The following ATP9B variants were observed in gnomAD, a reference collection of about 807,000 sequenced individuals.
The protein encoded by ATP9B is probable phospholipid-transporting ATPase IIB.
In ATP9B, 110 loss-of-function variants were observed where a neutral mutation model predicts 146.1. The ratio of observed to expected loss-of-function variants is 0.75; its 90% CI spans 0.65 to 0.88. The LOEUF (loss-of-function observed/expected upper bound fraction) is 0.88, where lower values mean the gene tolerates loss of function less well. Among genes scored for constraint, ATP9B ranks in the 40% least tolerant of loss-of-function variants. The pLI, the probability that ATP9B is intolerant of heterozygous loss-of-function variation, is 0.00. For missense variants in ATP9B, 1,499 were observed against 1,496.4 expected (o/e 1.00, Z -0.03); for synonymous variants, 604 against 569.7 (o/e 1.06, Z -0.86).
At chr18:79,346,971 G>A (rs766051730) in intron 23 of ATP9B, among the ~76,000 whole-genome samples, 3 of 152,178 alleles carry the variant, frequency 2.0e-5, no homozygotes, top group Non-Finnish European at 2.9e-5. Context: ...CCTAGCCCTC[G>A]GCGACTTGCT....
chr18:79,107,296 C>G (rs8094259), intron 2 of ATP9B, among the ~76,000 whole-genome samples: 1 of 152,194 alleles, frequency 6.6e-6, no homozygotes, highest in Admixed American at 6.5e-5. Flanking sequence ...AGGGTGCCCA[C>G]TGAGCTCTTG....
At chr18:79,276,426 A>G (rs2096309810) in intron 12 of ATP9B, among the ~76,000 whole-genome samples, 1 of 152,232 alleles carries the variant, frequency 6.6e-6, no homozygotes, top group Admixed American at 6.5e-5. Context: ...ATACCATTTT[A>G]TTTGTCATAT....
At chr18:79,354,485 G>C (rs1455993254) in intron 25 of ATP9B, 2 of 146,592 alleles carry the variant, frequency 1.4e-5, no homozygotes, top group African/African-American at 2.5e-5. Flanking sequence ...GAGAGGATCA[G>C]CTGAGCCCAG....
At chr18:79,375,483 T>A (rs1294363003) in intron 29 of ATP9B, 57 bp downstream of exon 29, 1 of 1,572,960 alleles carries the variant, frequency 6.4e-7, no homozygotes, top group African/African-American at 1.4e-5. Context: ...ACAATATTGA[T>A]AAAGATACTT....
chr18:79,139,442 G>A (rs548254928), intron 5 of ATP9B, among the ~76,000 whole-genome samples: 1 of 152,302 alleles, frequency 6.6e-6, no homozygotes, highest in South Asian at 2.1e-4. Flanking sequence ...TGGCACGTCA[G>A]CTACTACATC....
intron 11 of ATP9B, among the ~76,000 whole-genome samples, chr18:79,245,624 T>C (rs902475954): frequency 2.9e-5 from 2 of 67,926 alleles, no homozygotes; most frequent in Admixed American, 1.7e-4. Context: ...CCCTACTGAC[T>C]GGGGAGGGTA....
intron 9 of ATP9B, among the ~76,000 whole-genome samples, chr18:79,206,230 G>A (rs1036244212): frequency 2.0e-5 from 3 of 152,112 alleles, no homozygotes; most frequent in African/African-American, 4.8e-5. Context: ...GTGAGCCACC[G>A]CGCCCGGCCA....
intron 8 of ATP9B, among the ~76,000 whole-genome samples, chr18:79,186,772 T>C (rs2095311887): frequency 6.6e-6 from 1 of 152,252 alleles, no homozygotes; most frequent in South Asian, 2.1e-4. Flanking sequence ...TAAACTAGTA[T>C]GTTCAACCTT....
chr18:79,286,008 T>G (rs1255318129), intron 13 of ATP9B, among the ~76,000 whole-genome samples: 2 of 151,392 alleles, frequency 1.3e-5, no homozygotes, highest in African/African-American at 4.9e-5. Flanking sequence ...CCATGCTGTT[T>G]TGGTTACTGT....
intron 13 of ATP9B, among the ~76,000 whole-genome samples, chr18:79,281,360 G>T (rs1221477950): frequency 6.6e-6 from 1 of 151,942 alleles, no homozygotes; most frequent in African/African-American, 2.4e-5. Flanking sequence ...AGCCAGGCAT[G>T]GTGGTGCATG....
At position 79,113,370 on chromosome 18, in the gene ATP9B, A is replaced by G. The variant is rs141128747; in HGVS notation, c.558+16A>G. On this transcript the variant is annotated intron_variant, in intron 4 of 29. Coordinates refer to ENST00000426216, the MANE Select transcript of ATP9B (RefSeq NM_198531.5). ...GGCTCCTCTGGTAAGAAAAGACTTT[A>G]AAAATTAAGTTAAATTATGAAATAT... 5,842 of 1,368,870 alleles carry G rather than the reference A, an allele frequency of 4.3e-3. 50 individuals carry two copies. The highest frequency in any genetic ancestry group is 0.021 in the South Asian group (1,658 of 78,416). 84.8% of individuals were successfully genotyped at this position (1,368,870 alleles called of 1,614,324 possible).
intron 7 of ATP9B, among the ~76,000 whole-genome samples, chr18:79,161,135 T>C (rs2094874432): frequency 6.6e-6 from 1 of 152,170 alleles, no homozygotes; most frequent in Admixed American, 6.5e-5. Flanking sequence ...TTTTAAGCCA[T>C]AGTAAGACAG....
At chr18:79,245,608 GTA>G (rs2095940275) in intron 11 of ATP9B, among the ~76,000 whole-genome samples, 22 of 64,136 alleles carry the variant, frequency 3.4e-4, no homozygotes, top group Middle Eastern at 0.012. Context: ...TGTGCGGAGG[GTA>G]CCACCCTACT....
At chr18:79,303,787 T>G in intron 14 of ATP9B, 71 bp downstream of exon 14, 1 of 1,087,224 alleles carries the variant, frequency 9.2e-7, no homozygotes, top group Non-Finnish European at 1.4e-6. Flanking sequence ...CTGAGCCTCG[T>G]GTGTTCCCAT....
At chr18:79,164,492 G>T (rs981556433) in intron 7 of ATP9B, among the ~76,000 whole-genome samples, 1 of 152,140 alleles carries the variant, frequency 6.6e-6, no homozygotes, top group African/African-American at 2.4e-5. Flanking sequence ...GAGGCAGGCG[G>T]ATCACGAGGT....
intron 8 of ATP9B, among the ~76,000 whole-genome samples, chr18:79,188,660 T>C (rs2095332106): frequency 6.6e-6 from 1 of 152,222 alleles, no homozygotes; most frequent in Non-Finnish European, 1.5e-5. Context: ...CTTCTAAGAA[T>C]AATTATTTTA....
At chr18:79,339,718 G>C (rs1035452108) in intron 19 of ATP9B, among the ~76,000 whole-genome samples, 1 of 151,266 alleles carries the variant, frequency 6.6e-6, no homozygotes, top group African/African-American at 2.4e-5. Flanking sequence ...GCAGTAGGAA[G>C]TGTGTCATGA....
chr18:79,206,781 A>G (rs534046022), intron 9 of ATP9B, among the ~76,000 whole-genome samples, 156 bp from the exon 10 acceptor site: 1 of 152,344 alleles, frequency 6.6e-6, no homozygotes, highest in Non-Finnish European at 1.5e-5. Flanking sequence ...TCAATTTTTT[A>G]TAGTCCCTTT....
rs147713987 is a variant in ATP9B, at chr18:79,232,308, C to T, written c.1107+18270C>T. Among the ~76,000 whole-genome samples, 218 of 152,304 alleles carry T rather than the reference C, an allele frequency of 1.4e-3. 1 individual carries two copies. Among genetic ancestry groups the T allele is most frequent in the African/African-American group, 5.1e-3 (210 of 41,560 alleles). On this transcript the variant is annotated intron_variant, in intron 11 of 29. Coordinates refer to ENST00000426216, the MANE Select transcript of ATP9B (RefSeq NM_198531.5). ...AGATTGTAGCATGCTCCTCCTTCCC[C>T]ACACCTTGTCTGCACACCATCAGGG...
Sources: allele counts gnomAD v4.1 joint callset (sites outside exome capture counted in the v4.1 genomes callset), GRCh38; gene constraint gnomAD v4.1.1; transcripts MANE v1.5; gene names NCBI Gene and HGNC (gene_info 2026-07-23, HGNC 2026-07-21).